The following MYH11 variants were observed in gnomAD, a reference collection of about 807,000 sequenced individuals.
The protein encoded by MYH11 is myosin heavy chain 11.
A neutral mutation model predicts 246.6 loss-of-function variants in MYH11; 80 were observed. That is an observed-to-expected ratio of 0.32 (90% CI 0.27 to 0.39). The LOEUF is 0.39. Among genes scored for constraint, MYH11 ranks in the 10% least tolerant of loss-of-function variants. The pLI is 1.00. For missense variants in MYH11, 2,158 were observed against 2,546.8 expected (o/e 0.85, Z 3.29); for synonymous variants, 1,071 against 1,015.5 (o/e 1.05, Z -1.04).
intron 27 of MYH11, among the ~76,000 whole-genome samples, chr16:15,729,552 T>C (rs1183422128): frequency 1.3e-5 from 1 of 75,512 alleles, no homozygotes; most frequent in African/African-American, 3.6e-5. Flanking sequence ...CAACCATAAT[T>C]TTTTTTTTTT....
chr16:15,746,872 G>C (rs1488672245), intron 19 of MYH11, among the ~76,000 whole-genome samples: 1 of 152,162 alleles, frequency 6.6e-6, no homozygotes, highest in Non-Finnish European at 1.5e-5. Context: ...TGGATCACTT[G>C]AGACCAGGAA....
chr16:15,755,308 G>C (rs561296814), intron 14 of MYH11, among the ~76,000 whole-genome samples: 1 of 152,324 alleles, frequency 6.6e-6, no homozygotes, highest in African/African-American at 2.4e-5. Flanking sequence ...TGATGATGAT[G>C]ATGATGATGA....
At chr16:15,832,946 T>TTC (rs2043781727) in intron 2 of MYH11, among the ~76,000 whole-genome samples, 1 of 8,394 alleles carries the variant, frequency 1.2e-4, no homozygotes, top group Non-Finnish European at 2.0e-4. Flanking sequence ...ACCTCATCTT[T>TTC]TTTTTTTTTT....
chr16:15,795,001 G>A (rs2042709913), intron 4 of MYH11, among the ~76,000 whole-genome samples: 1 of 152,168 alleles, frequency 6.6e-6, no homozygotes, highest in Non-Finnish European at 1.5e-5. Flanking sequence ...CCAGTGTGGG[G>A]AGAATCAGAA....
At chr16:15,796,908 T>C (rs2042754361) in intron 4 of MYH11, among the ~76,000 whole-genome samples, 1 of 152,186 alleles carries the variant, frequency 6.6e-6, no homozygotes, top group African/African-American at 2.4e-5. Flanking sequence ...CTAGGTAGCA[T>C]TATATCTCTA....
chr16:15,719,099 G>C (rs902556266), intron 36 of MYH11, 121 bp downstream of exon 36: 4 of 976,630 alleles, frequency 4.1e-6, no homozygotes, highest in African/African-American at 3.2e-5. Context: ...CTGCCCTCCA[G>C]CCTGGGTGAC....
At chr16:15,772,081 TTTA>T (rs2042114570) in intron 8 of MYH11, among the ~76,000 whole-genome samples, 1 of 147,310 alleles carries the variant, frequency 6.8e-6, no homozygotes, top group African/African-American at 2.5e-5. Context: ...TAGATCAACC[TTTA>T]CTCTTTTTTT....
rs2041231292 is a variant in MYH11, at chr16:15,740,111, C to T, written c.2937G>A (p.Lys979=). Residue 979 remains lysine, a synonymous_variant, in exon 23 of 41, where the codon AAG becomes AAA. Transcript: ENST00000300036. ...GGATCTCATCCTCCAGTTTCTTGAT[C>T]TTGGCCTCAGCCGTGACCTTCTCAA... is the stretch of plus-strand genomic sequence containing the variant. The part of the protein sequence containing the change: ...LQLEKVTAEA[K]IKKLEDEILV... 1 of 1,614,234 alleles carries T rather than the reference C, an allele frequency of 6.2e-7. No individual in the cohort carries two copies. Among genetic ancestry groups the T allele is most frequent in the Non-Finnish European group, 8.5e-7 (1 of 1,180,044 alleles).
intron 37 of MYH11, 200 bp downstream of exon 37, chr16:15,718,115 G>A (rs1318420961): frequency 7.6e-6 from 6 of 790,668 alleles, no homozygotes; most frequent in African/African-American, 1.7e-5. Context: ...ACACTGCAGC[G>A]TGGAGAGGAG....
At chr16:15,735,750 T>C (rs1012856120) in intron 25 of MYH11, among the ~76,000 whole-genome samples, 172 bp from the exon 26 acceptor site, 2 of 152,196 alleles carry the variant, frequency 1.3e-5, no homozygotes, top group African/African-American at 4.8e-5. Flanking sequence ...GAGATTAACA[T>C]AGGATGTGAG....
chr16:15,747,440 A>G (rs2041448659), intron 19 of MYH11, 130 bp downstream of exon 19: 2 of 1,123,272 alleles, frequency 1.8e-6, no homozygotes, highest in East Asian at 4.7e-5. Context: ...CTTCCCCTTC[A>G]AGAAAAGGCT....
intron 5 of MYH11, 125 bp from the exon 6 acceptor site, chr16:15,782,602 C>T: frequency 1.4e-6 from 1 of 721,114 alleles, no homozygotes; most frequent in Non-Finnish European, 2.5e-6. Context: ...CCTACCTCCT[C>T]TTAGACCCTG....
At chr16:15,771,537 G>A in intron 9 of MYH11, 32 bp downstream of exon 9, 1 of 1,610,986 alleles carries the variant, frequency 6.2e-7, no homozygotes, top group Non-Finnish European at 8.5e-7. Context: ...ATCCAGGCAA[G>A]CTACCCTCCA....
chr16:15,726,954 TC>T lies in MYH11; in HGVS notation c.3751del (p.Glu1251AsnfsTer207). 1 of 1,613,448 alleles carries T rather than the reference TC, an allele frequency of 6.2e-7. No individual in the cohort carries two copies. The highest frequency in any genetic ancestry group is 8.5e-7 in the Non-Finnish European group (1 of 1,179,984). On this transcript the variant is annotated frameshift_variant, in exon 28 of 41. Coordinates refer to ENST00000300036, the MANE Select transcript of MYH11 (RefSeq NM_002474.3). LOFTEE classifies it high-confidence loss of function. ...RVLGQAKQEV[E>X]HKKKKLEAQV... is the part of the protein sequence containing the mutation. ...CGCCTCCAGCTTCTTCTTCTTATGT[TC>T]CACCTCCTGCTTGGCCTGGCCCAGG...
intron 26 of MYH11, among the ~76,000 whole-genome samples, 172 bp downstream of exon 26, chr16:15,735,193 GA>G (rs1356252534): frequency 4.8e-5 from 7 of 144,418 alleles, no homozygotes; most frequent in Admixed American, 6.9e-5. Flanking sequence ...AAAAAAAAAA[GA>G]AAGAAAAAAA....
In MYH11 at chr16:15,721,433, C is replaced by T. The variant is rs919030976; in HGVS notation, c.4567G>A (p.Val1523Met). The T allele has an allele frequency of 6.2e-7, 1 of 1,614,166 alleles. No homozygotes were observed. The highest frequency in any genetic ancestry group is 8.5e-7 in the Non-Finnish European group (1 of 1,180,010). ...CCAGAGCCACTTACGTTCTTGCCCA[C>T]GTCATCCTTGGAGCTGACCAGGTCT... is the stretch of plus-strand genomic sequence containing the variant. ...MEDLVSSKDD[V>M]GKNVHELEKS... Residue 1523 changes from valine (V) to methionine (M), a missense_variant, in exon 32 of 41, where the codon GTG becomes ATG. Physicochemically the swap from Val to Met is conservative, Grantham distance 21 (BLOSUM62 1). This residue lies in a region of MYH11 where 1,013 missense variants were observed against 993.5 expected (regional missense o/e 1.02). Coordinates refer to ENST00000300036, the MANE Select transcript of MYH11 (RefSeq NM_002474.3).
chr16:15,788,741 G>A (rs2042536933), intron 4 of MYH11, among the ~76,000 whole-genome samples: 3 of 151,680 alleles, frequency 2.0e-5, no homozygotes, highest in South Asian at 4.1e-4. Flanking sequence ...TTTATGAAAT[G>A]GGGACCATGA....
intron 15 of MYH11, among the ~76,000 whole-genome samples, chr16:15,752,722 T>A (rs1164185668): frequency 1.3e-5 from 2 of 152,106 alleles, no homozygotes; most frequent in Admixed American, 1.3e-4. Flanking sequence ...CTACTAAAAA[T>A]ACAAAAATTA....
rs551542169 is a variant in MYH11, at chr16:15,850,706, G to A, written c.-18+6235C>T. Among the ~76,000 whole-genome samples the A allele has an allele frequency of 3.7e-4, 56 of 151,952 alleles. No individual in the cohort carries two copies. The South Asian group carries it at 0.011, about 29-fold the overall frequency. On this transcript the variant is annotated intron_variant, in intron 1 of 40. Transcript: ENST00000300036. The stretch of plus-strand genomic sequence containing the variant: ...GCTTAGGAGTTTGACACCAGCCTGC[G>A]CAACATGGTGAAACCCCATCTCTAC...
Sources: allele counts gnomAD v4.1 joint callset (sites outside exome capture counted in the v4.1 genomes callset), GRCh38; gene constraint gnomAD v4.1.1; regional missense constraint gnomAD v4.1.1; transcripts MANE v1.5; gene names NCBI Gene and HGNC (gene_info 2026-07-23, HGNC 2026-07-21).